MAD2L2: variants seen among roughly 807,000 people sequenced by gnomAD.
MAD2L2 encodes the protein mitotic spindle assembly checkpoint protein MAD2B.
A neutral mutation model predicts 30.5 loss-of-function variants in MAD2L2; 17 were observed. The observed-to-expected ratio is 0.56, with a 90% CI of 0.38 to 0.84. The LOEUF (loss-of-function observed/expected upper bound fraction) is 0.84. Among genes scored for constraint, MAD2L2 ranks in the 40% least tolerant of loss-of-function variants. The pLI is 0.00. For missense variants in MAD2L2, 213 were observed against 277.4 expected (o/e 0.77, Z 1.65); for synonymous variants, 101 against 113.9 (o/e 0.89, Z 0.72).
chr1:11,680,026 G>T (rs1352968741), intron 3 of MAD2L2, among the ~76,000 whole-genome samples: 4 of 115,160 alleles, frequency 3.5e-5, no homozygotes, highest in African/African-American at 1.3e-4. Context: ...ACGGAGTTTC[G>T]CTCTTGTCAC....
At position 11,676,920 on chromosome 1, in the gene MAD2L2, A is replaced by G; in HGVS notation, c.260T>C (p.Ile87Thr). The change falls in exon 5 of 9, where the codon ATT becomes ACT. Residue 87 changes from isoleucine to threonine, a missense_variant. Coordinates refer to ENST00000376692, the MANE Select transcript of MAD2L2 (RefSeq NM_006341.4). ...KNDVEKVVVV[I>T]LDKEHRPVEK... ...CACTGGGCGGTGCTCTTTATCCAAAATCACCACCACCACTTTCTCCACATC... is the reference window on the plus strand; with the variant it reads ...CACTGGGCGGTGCTCTTTATCCAAAGTCACCACCACCACTTTCTCCACATC... 1 of 1,614,078 alleles carries G rather than the reference A, an allele frequency of 6.2e-7. No homozygotes were observed. Among genetic ancestry groups the G allele is most frequent in the Admixed American group, 1.7e-5 (1 of 60,026 alleles).
chr1:11,690,486 T>G lies in MAD2L2; in HGVS notation c.-692+927A>C, dbSNP rs1641040543. 6.6e-6 allele frequency among the ~76,000 whole-genome samples: 1 copy of G among 152,186 alleles called. No individual in the cohort carries two copies. The highest frequency in any genetic ancestry group is 2.1e-4 in the South Asian group (1 of 4,830). Reference sequence around the variant, plus strand: ...GAACACTGAAATTTAGGTATAATCATGAGCTCAGAGGTCAGGCGACTTGCT... The same window carrying G: ...GAACACTGAAATTTAGGTATAATCAGGAGCTCAGAGGTCAGGCGACTTGCT... On this transcript the variant is annotated intron_variant, in intron 1 of 10. Transcript: ENST00000235310. The surrounding 1 kb of genome is among the most constrained non-coding windows in gnomAD (Gnocchi z 4.2).
In MAD2L2 at chr1:11,687,513, G is replaced by A. The variant is rs967961141; in HGVS notation, c.-692+3900C>T. On this transcript the variant is annotated intron_variant, in intron 1 of 10. Coordinates refer to the MAD2L2 transcript ENST00000235310. The surrounding 1 kb of genome is among the most constrained non-coding windows in gnomAD (Gnocchi z 4.1). ...CCTTGGCCTCCCAAAGTGTTGGGAT[G>A]ACAGGCATGAGCCACCACGCCCAGA... Among the ~76,000 whole-genome samples, 2 of 152,066 alleles carry A rather than the reference G, an allele frequency of 1.3e-5. No homozygotes were observed. Among genetic ancestry groups the A allele is most frequent in the Non-Finnish European group, 2.9e-5 (2 of 68,010 alleles).
upstream of MAD2L2, among the ~76,000 whole-genome samples, chr1:11,685,695 G>A (rs973608778): frequency 6.6e-6 from 1 of 151,528 alleles, no homozygotes; most frequent in Non-Finnish European, 1.5e-5. Flanking sequence ...GGTGGCTCAC[G>A]CCTATAATCC....
In MAD2L2 at chr1:11,680,552, G is replaced by T; in HGVS notation, c.40+10C>A. ...CCCCGCCCCCGGGCCCGCAGGTCCA[G>T]CCTCCCTACCTTGGCCAAAGTTGAG... On this transcript the variant is annotated intron_variant, in intron 2 of 8. Transcript: ENST00000376692. The T allele has an allele frequency of 6.2e-7, 1 of 1,607,648 alleles. No individual in the cohort carries two copies. The highest frequency in any genetic ancestry group is 2.2e-5 in the East Asian group (1 of 44,672).
chr1:11,676,191 A>G lies in MAD2L2; in HGVS notation c.333-51T>C, dbSNP rs182391652. 40 of 1,251,942 alleles carry G rather than the reference A, an allele frequency of 3.2e-5. No individual in the cohort carries two copies. The African/African-American group carries it at 5.2e-4, about 16-fold the overall frequency. 77.6% of individuals were successfully genotyped at this position (1,251,942 alleles called of 1,614,324 possible). On this transcript the variant is annotated intron_variant, in intron 5 of 8. Transcript: ENST00000376692. ...TCACACTGGCGCCCTCCCCTCCACC[A>G]CAGGCATCAAGCCTGGATGCAGACC...
At position 11,675,075 on chromosome 1, in the gene MAD2L2, A is replaced by G. The variant is rs1206996260; in HGVS notation, c.594+7T>C. The G allele has an allele frequency of 6.3e-7, 1 of 1,577,980 alleles. No homozygotes were observed. The highest frequency in any genetic ancestry group is 2.2e-5 in the East Asian group (1 of 44,452). On this transcript the variant is annotated splice_region_variant and intron_variant, in intron 8 of 8. Coordinates refer to ENST00000376692, the MANE Select transcript of MAD2L2 (RefSeq NM_006341.4). ...AATAAAGCTTCCCGGGTCCCCACGA[A>G]GCTCACCTTTAAAATGTCCGACGTC...
upstream of MAD2L2, among the ~76,000 whole-genome samples, chr1:11,683,764 G>C (rs1038726882): frequency 2.6e-5 from 4 of 152,140 alleles, no homozygotes; most frequent in Admixed American, 1.3e-4. Flanking sequence ...CTGAGGTCAG[G>C]AGTTTGAGAT....
chr1:11,683,632 C>A (rs988344136), upstream of MAD2L2, among the ~76,000 whole-genome samples: 1 of 152,034 alleles, frequency 6.6e-6, no homozygotes, highest in African/African-American at 2.4e-5. Flanking sequence ...CAGCAGTCAC[C>A]ACTAAATAAC....
chr1:11,690,940 GTGTGTGTT>G lies in MAD2L2; in HGVS notation c.-692+465_-692+472del, dbSNP rs992074642. Among the ~76,000 whole-genome samples the G allele has an allele frequency of 3.3e-5, 5 of 152,092 alleles. No individual in the cohort carries two copies. The highest frequency in any genetic ancestry group is 2.6e-4 in the Admixed American group (4 of 15,276). On this transcript the variant is annotated intron_variant, in intron 1 of 10. Coordinates refer to the MAD2L2 transcript ENST00000235310. The surrounding 1 kb of genome is among the most constrained non-coding windows in gnomAD (Gnocchi z 4.2). ...CCGCGCCGCGTGTGAGTGTGTGTGT[GTGTGTGTT>G]TGTGTGTGTGTGTATTGGGGCGGTT...
intron 1 of MAD2L2, among the ~76,000 whole-genome samples, chr1:11,689,383 A>G (rs1440713914): frequency 6.6e-6 from 1 of 150,680 alleles, no homozygotes; most frequent in Non-Finnish European, 1.5e-5. Flanking sequence ...GGATCACCTG[A>G]GGTCAGGAGT....
chr1:11,677,306 G>A lies in MAD2L2; in HGVS notation c.231+237C>T, dbSNP rs28924110. On this transcript the variant is annotated intron_variant, in intron 4 of 8. Coordinates refer to ENST00000376692, the MANE Select transcript of MAD2L2 (RefSeq NM_006341.4). ...AACCCTCTGGGGCAGCCCCTACTTA[G>A]AGCCAGCTCCAACCCGGGCTCCCAG... The A allele has an allele frequency of 6.5e-3, 3,891 of 598,326 alleles. 103 individuals are homozygous for A. Among genetic ancestry groups the A allele is most frequent in the African/African-American group, 0.06 (3,214 of 53,964 alleles). The allele number at this position is 598,326 out of a possible 1,614,324, so 37.1% of individuals were successfully genotyped here. A position where few individuals can be genotyped will look rare whatever the true frequency, so the allele number is the denominator to read the frequency against.
At chr1:11,676,359 G>A (rs528086509) in intron 5 of MAD2L2, among the ~76,000 whole-genome samples, 3 of 152,176 alleles carry the variant, frequency 2.0e-5, no homozygotes, top group Non-Finnish European at 2.9e-5. Flanking sequence ...AATTCGGCGG[G>A]GGGTAGGGGA....
Position 11,680,723 on chromosome 1 carries a change from C to G in MAD2L2, c.-12-110G>C, listed in dbSNP as rs1640859947. 5 of 1,451,524 alleles carry G rather than the reference C, an allele frequency of 3.4e-6. No homozygotes were observed. In the East Asian group the frequency reaches 1.0e-4, roughly 29 times the overall value. 89.9% of individuals were successfully genotyped at this position (1,451,524 alleles called of 1,614,324 possible). ...ACAGTCTGTGGGAACTGGGGAAGGACCTCCCGCTTCGCACAGGCTCAGGGC... is the reference window on the plus strand; with the variant it reads ...ACAGTCTGTGGGAACTGGGGAAGGAGCTCCCGCTTCGCACAGGCTCAGGGC... On this transcript the variant is annotated intron_variant, in intron 1 of 8. Transcript: ENST00000376692.
In MAD2L2 at chr1:11,674,578, G is replaced by A. The variant is rs1329166488; in HGVS notation, c.*197C>T. On this transcript the variant is annotated 3_prime_UTR_variant, in exon 9 of 9. Transcript: ENST00000376692. This position sits in a 1 kb window ranked among gnomAD's most constrained non-coding sequence, Gnocchi z 6.1. Reference sequence around the variant, plus strand: ...CGGAACCCCAGGAGGCTGAGAAGTCGAGGTTGCGGCATCCCTCACTGCCCT... The same window carrying A: ...CGGAACCCCAGGAGGCTGAGAAGTCAAGGTTGCGGCATCCCTCACTGCCCT... The A allele has an allele frequency of 1.7e-6, 1 of 587,736 alleles. No individual in the cohort carries two copies. Among genetic ancestry groups the A allele is most frequent in the Admixed American group, 3.0e-5 (1 of 33,110 alleles). 36.4% of individuals were successfully genotyped at this position (587,736 alleles called of 1,614,324 possible).
intron 7 of MAD2L2, 150 bp downstream of exon 7, chr1:11,675,508 G>C: frequency 1.3e-6 from 1 of 771,636 alleles, no homozygotes; most frequent in Admixed American, 2.1e-5. Flanking sequence ...CCCAGATGGA[G>C]CAGTGGACAG....
intron 3 of MAD2L2, among the ~76,000 whole-genome samples, chr1:11,679,112 CA>C (rs1640820961): frequency 6.6e-6 from 1 of 151,998 alleles, no homozygotes; most frequent in African/African-American, 2.4e-5. Flanking sequence ...TGCAGTGAGC[CA>C]AGATCACGCC....
chr1:11,684,137 T>C (rs1357244027), upstream of MAD2L2, among the ~76,000 whole-genome samples: 4 of 142,862 alleles, frequency 2.8e-5, no homozygotes, highest in African/African-American at 1.0e-4. Flanking sequence ...AGATAGATGT[T>C]CCCTAAACCT....
At chr1:11,677,060 G>A in intron 4 of MAD2L2, 112 bp from the exon 5 acceptor site, 3 of 812,816 alleles carry the variant, frequency 3.7e-6, no homozygotes, top group South Asian at 2.9e-5. Flanking sequence ...TCACAGCCCT[G>A]CTCAGCTGCT....
Sources: gnomAD v4.1 joint callset for allele counts (sites outside exome capture counted in the v4.1 genomes callset) on GRCh38, gnomAD v4.1.1 for gene constraint, Gnocchi (gnomAD v3.1) non-coding constraint, MANE v1.5 for transcripts, NCBI Gene and HGNC (gene_info 2026-07-23, HGNC 2026-07-21) for gene names.